TELO2: variants seen among roughly 807,000 people sequenced by gnomAD.
TELO2 encodes telomere length regulation protein TEL2 homolog.
In TELO2, 71 loss-of-function variants were observed where a neutral mutation model predicts 91.0. The observed-to-expected ratio is 0.78, with a 90% CI of 0.64 to 0.95. TELO2 has a LOEUF of 0.95. Among genes scored for constraint, TELO2 ranks in the 40% least tolerant of loss-of-function variants. TELO2 has a pLI of 0.00. For synonymous variants in TELO2, 584 were observed against 518.9 expected (o/e 1.13, Z -1.71); for missense variants, 1,183 against 1,141.3 (o/e 1.04, Z -0.53).
At position 1,505,324 on chromosome 16, in the gene TELO2, C is replaced by T. The variant is rs1184460086; in HGVS notation, c.1843-86C>T. The T allele has an allele frequency of 1.7e-5, 25 of 1,492,654 alleles. No homozygotes were observed. The highest frequency in any genetic ancestry group is 2.6e-5 in the South Asian group (2 of 76,600). The allele number at this position is 1,492,654 out of a possible 1,614,324, so 92.5% of individuals were successfully genotyped here. A position where few individuals can be genotyped will look rare whatever the true frequency, so the allele number is the denominator to read the frequency against. On this transcript the variant is annotated intron_variant, in intron 15 of 20. Coordinates refer to ENST00000262319, the MANE Select transcript of TELO2 (RefSeq NM_016111.4). This position sits in a 1 kb window ranked among gnomAD's most constrained non-coding sequence, Gnocchi z 4.3. ...CCCAGGCTGGGCGGGCCCCCGGGCC[C>T]GTTTCTGGGGCTTTGGCTGACTTGA...
In TELO2 at chr16:1,507,689, C is replaced by T. The variant is rs2039948759; in HGVS notation, c.2380C>T (p.Leu794=). ...ARLLEDLMDE[L]LEARSWLADV... ...CCTGCTGGAGGACCTGATGGACGAG[C>T]TGCTGGAAGCCCGGTCCTGGCTGGC... Residue 794 remains leucine (L), a synonymous_variant, in exon 20 of 21, where the codon CTG becomes TTG. Coordinates refer to ENST00000262319, the MANE Select transcript of TELO2 (RefSeq NM_016111.4). 1 of 1,604,408 alleles carries T rather than the reference C, an allele frequency of 6.2e-7. No homozygotes were observed. The highest frequency in any genetic ancestry group is 2.2e-5 in the East Asian group (1 of 44,856).
chr16:1,505,289 C>A lies in TELO2; in HGVS notation c.1843-121C>A. On this transcript the variant is annotated intron_variant, in intron 15 of 20. Coordinates refer to ENST00000262319, the MANE Select transcript of TELO2 (RefSeq NM_016111.4). The surrounding 1 kb of genome is among the most constrained non-coding windows in gnomAD (Gnocchi z 4.3). ...GTGACTTTTCTCCTTGTTCCCAGAACACACCTTCTCCCAGGCTGGGCGGGC... is the reference window on the plus strand; with the variant it reads ...GTGACTTTTCTCCTTGTTCCCAGAAAACACCTTCTCCCAGGCTGGGCGGGC... The A allele has an allele frequency of 8.4e-7, 1 of 1,197,042 alleles. No homozygotes were observed. The highest frequency in any genetic ancestry group is 1.2e-6 in the Non-Finnish European group (1 of 867,324). The allele number at this position is 1,197,042 out of a possible 1,614,324, so 74.2% of individuals were successfully genotyped here.
At chr16:1,503,273 G>T (rs1017274115) in intron 15 of TELO2, among the ~76,000 whole-genome samples, 2 of 152,256 alleles carry the variant, frequency 1.3e-5, no homozygotes, top group African/African-American at 4.8e-5. Flanking sequence ...TGCTGCGCAG[G>T]TGAGGGAATA....
chr16:1,509,752 C>G, intron 20 of TELO2, 78 bp from the exon 21 acceptor site: 1 of 1,384,518 alleles, frequency 7.2e-7, no homozygotes, highest in South Asian at 1.3e-5. Flanking sequence ...GGGGCTGGTT[C>G]AGGCAGACTG....
chr16:1,506,720 G>T (rs1757233208), intron 17 of TELO2: 2 of 1,392,508 alleles, frequency 1.4e-6, no homozygotes, highest in Non-Finnish European at 1.9e-6. Flanking sequence ...CTGCAGCAGG[G>T]GTGGGGGTCT....
rs767780001 is a variant in TELO2 at position 1,506,993 on chromosome 16, T to C, written c.2168T>C (p.Val723Ala). 1.9e-6 allele frequency: 3 copies of C among 1,612,138 alleles called. No homozygotes were observed. Among genetic ancestry groups the C allele is most frequent in the African/African-American group, 1.3e-5 (1 of 74,872 alleles). ...TFDLLGEDQL[V>A]LGRLAHTLGA... Reference sequence around the variant, plus strand: ...GACCTCTTGGGAGAAGACCAGCTGGTTCTCGGAAGGCTGGCGCACACCTTA... The same window carrying C: ...GACCTCTTGGGAGAAGACCAGCTGGCTCTCGGAAGGCTGGCGCACACCTTA... The change falls in exon 18 of 21, where the codon GTT becomes GCT. Residue 723 changes from valine (V) to alanine (A), a missense_variant. Val to Ala is a moderately conservative substitution (Grantham distance 64, BLOSUM62 0). Coordinates refer to ENST00000262319, the MANE Select transcript of TELO2 (RefSeq NM_016111.4).
At chr16:1,506,057 G>C (rs983447467) in intron 16 of TELO2, among the ~76,000 whole-genome samples, 181 bp from the exon 17 acceptor site, 1 of 152,238 alleles carries the variant, frequency 6.6e-6, no homozygotes, top group Non-Finnish European at 1.5e-5. Flanking sequence ...CATTGGCCGC[G>C]GAGCCTGAGT....
intron 15 of TELO2, 33 bp downstream of exon 15, chr16:1,503,035 C>G (rs2039762801): frequency 6.2e-7 from 1 of 1,604,952 alleles, no homozygotes; most frequent in Non-Finnish European, 8.5e-7. Flanking sequence ...TCCCCCTGGT[C>G]TGGCCCAAGC....
Position 1,502,713 on chromosome 16 carries a change from G to A in TELO2, c.1722G>A (p.Gly574=). Residue 574 remains glycine, a synonymous_variant, in exon 14 of 21, where the codon GGG becomes GGA. Coordinates refer to ENST00000262319, the MANE Select transcript of TELO2 (RefSeq NM_016111.4). ...EEKTCVVGFA[G]LRQRALVAVT... is the part of the protein sequence containing the mutation. ...AGACCTGTGTGGTGGGATTTGCAGG[G>A]CTGCGCCAGAGAGCCCTGGTGGCCG... 1.2e-6 allele frequency: 2 copies of A among 1,612,760 alleles called. No individual in the cohort carries two copies. Among genetic ancestry groups the A allele is most frequent in the Non-Finnish European group, 1.7e-6 (2 of 1,179,884 alleles).
chr16:1,502,664 A>G lies in TELO2; in HGVS notation c.1673A>G (p.Lys558Arg). 6.2e-7 allele frequency: 1 copy of G among 1,612,222 alleles called. No individual in the cohort carries two copies. The highest frequency in any genetic ancestry group is 8.5e-7 in the Non-Finnish European group (1 of 1,179,840). ...ATREVSVELA[K>R]VLLHLEEKTC... ...GTGCAGGTGAGCGTGGAGCTGGCCA[A>G]GGTGCTTCTGCATCTGGAGGAGAAG... The change falls in exon 14 of 21, where the codon AAG becomes AGG. Residue 558 changes from lysine to arginine, a missense_variant. Transcript: ENST00000262319.
At position 1,497,780 on chromosome 16, in the gene TELO2, G is replaced by T. The variant is rs1457732454; in HGVS notation, c.830+272G>T. 1.3e-5 allele frequency among the ~76,000 whole-genome samples: 2 copies of T among 152,184 alleles called. No homozygotes were observed. Among genetic ancestry groups the T allele is most frequent in the African/African-American group, 2.4e-5 (1 of 41,448 alleles). ...GTACCTTGGGCCGTCCACCCGTCCTGCGCCTGTGGTCCCCCTCGCACACGT... is the reference window on the plus strand; with the variant it reads ...GTACCTTGGGCCGTCCACCCGTCCTTCGCCTGTGGTCCCCCTCGCACACGT... On this transcript the variant is annotated intron_variant, in intron 5 of 20. Coordinates refer to ENST00000262319, the MANE Select transcript of TELO2 (RefSeq NM_016111.4). This position sits in a 1 kb window ranked among gnomAD's most constrained non-coding sequence, Gnocchi z 4.0.
chr16:1,500,411 A>G lies in TELO2; in HGVS notation c.1067A>G (p.Gln356Arg). The change falls in exon 8 of 21, where the codon CAG becomes CGG. Residue 356 changes from glutamine (Q) to arginine (R), a missense_variant. Coordinates refer to ENST00000262319, the MANE Select transcript of TELO2 (RefSeq NM_016111.4). ...GCCATCCGCCACACTCCCCTGCCGC[A>G]GCAGCGCCACGTCAGCAAGGCTGTC... ...SSAIRHTPLP[Q>R]QRHVSKAVLI... is the part of the protein sequence containing the mutation. 2 of 1,604,862 alleles carry G rather than the reference A, an allele frequency of 1.2e-6. No individual in the cohort carries two copies. Among genetic ancestry groups the G allele is most frequent in the South Asian group, 1.1e-5 (1 of 89,696 alleles).
chr16:1,504,064 G>T lies in TELO2; in HGVS notation c.1842+1062G>T, dbSNP rs1440103334. 8.1e-5 allele frequency among the ~76,000 whole-genome samples: 12 copies of T among 147,886 alleles called. No homozygotes were observed. In the Admixed American group the frequency reaches 8.2e-4, roughly 10 times the overall value. ...TGGCTTGAGCCCAGAGGTTGAGGCT[G>T]TCGTGAGCCGTGATGGCACCACTGC... On this transcript the variant is annotated intron_variant, in intron 15 of 20. Transcript: ENST00000262319.
chr16:1,502,574 T>G (rs2039730006), intron 13 of TELO2, 71 bp from the exon 14 acceptor site: 15 of 1,562,934 alleles, frequency 9.6e-6, no homozygotes, highest in Non-Finnish European at 1.3e-5. Flanking sequence ...GCTCCGGCCC[T>G]GTGAGCCTCG....
intron 15 of TELO2, 127 bp downstream of exon 15, chr16:1,503,129 G>A: frequency 9.5e-7 from 1 of 1,047,684 alleles, no homozygotes; most frequent in East Asian, 2.4e-5. Context: ...CTGCCTTCGT[G>A]AGTGTGTGAC....
chr16:1,502,899 G>A (rs764743546), intron 14 of TELO2, 32 bp from the exon 15 acceptor site: 30 of 1,608,380 alleles, frequency 1.9e-5, no homozygotes, highest in East Asian at 4.5e-5. Flanking sequence ...CTCAGGTCCC[G>A]GACCACAGCA....
chr16:1,507,654 C>T lies in TELO2; in HGVS notation c.2345C>T (p.Pro782Leu), dbSNP rs1161078785. ...SAVSSVLLSLPAARLLEDLMD... is the reference protein window; with the variant it reads ...SAVSSVLLSLLAARLLEDLMD... The stretch of plus-strand genomic sequence containing the variant: ...GTCTCCTCCGTCCTGCTCAGCCTGC[C>T]TGCTGCGCGCCTGCTGGAGGACCTG... The change falls in exon 20 of 21, where the codon CCT (proline) becomes CTT (leucine). Residue 782 changes from proline (P) to leucine (L), a missense_variant. Coordinates refer to ENST00000262319, the MANE Select transcript of TELO2 (RefSeq NM_016111.4). The T allele has an allele frequency of 1.9e-6, 3 of 1,602,002 alleles. No homozygotes were observed. The highest frequency in any genetic ancestry group is 2.2e-5 in the East Asian group (1 of 44,860).
intron 18 of TELO2, 49 bp from the exon 19 acceptor site, chr16:1,507,257 G>A (rs368164346): frequency 6.3e-7 from 1 of 1,596,538 alleles, no homozygotes; most frequent in Non-Finnish European, 8.5e-7. Flanking sequence ...GTGCTGGGAT[G>A]TGGGGACGGC....
chr16:1,500,743 G>A (rs1187848846), intron 9 of TELO2, 44 bp downstream of exon 9: 1 of 1,600,266 alleles, frequency 6.2e-7, no homozygotes, highest in African/African-American at 1.3e-5. Flanking sequence ...GCTGGCCCGG[G>A]TCTCCCGAGC....
Sources: gnomAD v4.1 joint callset for allele counts (sites outside exome capture counted in the v4.1 genomes callset) on GRCh38, gnomAD v4.1.1 for gene constraint, Gnocchi (gnomAD v3.1) non-coding constraint, MANE v1.5 for transcripts, NCBI Gene and HGNC (gene_info 2026-07-23, HGNC 2026-07-21) for gene names.